The following MCM9 variants were observed in gnomAD, a reference collection of about 807,000 sequenced individuals.
MCM9 encodes the protein DNA helicase MCM9.
In MCM9, 55 loss-of-function variants were observed where a neutral mutation model predicts 72.8. The ratio of observed to expected loss-of-function variants is 0.76; its 90% CI spans 0.61 to 0.95. MCM9 has a LOEUF of 0.95. Among genes scored for constraint, MCM9 ranks in the 40% least tolerant of loss-of-function variants. MCM9 has a pLI of 0.00. For synonymous variants in MCM9, 480 were observed against 503.4 expected (o/e 0.95, Z 0.62); for missense variants, 1,279 against 1,377.0 (o/e 0.93, Z 1.13).
chr6:118,860,383 AG>A (rs757362853), intron 8 of MCM9, among the ~76,000 whole-genome samples: 4 of 152,218 alleles, frequency 2.6e-5, no homozygotes, highest in Admixed American at 6.5e-5. Context: ...ACACATCTGA[AG>A]AAAGAATCTC....
chr6:118,824,693 C>T (rs1193393038), intron 13 of MCM9, among the ~76,000 whole-genome samples: 1 of 152,174 alleles, frequency 6.6e-6, no homozygotes. Context: ...CATGATAAAA[C>T]TATAAATGGT....
chr6:118,885,253 G>A lies in MCM9; in HGVS notation c.1150+26397C>T, dbSNP rs138612797. On this transcript the variant is annotated intron_variant, in intron 8 of 13. Coordinates refer to ENST00000619706, the MANE Select transcript of MCM9 (RefSeq NM_017696.3). ...AAATAAATAAAAATAAAATAAAAAA[G>A]AAGATCTCAAATCAGTAATCTAAGC... 4.6e-3 allele frequency among the ~76,000 whole-genome samples: 692 copies of A among 151,930 alleles called. 4 individuals carry two copies. Among genetic ancestry groups the A allele is most frequent in the Non-Finnish European group, 5.4e-3 (369 of 67,946 alleles).
chr6:118,834,991 T>C (rs1346971528), intron 9 of MCM9, among the ~76,000 whole-genome samples: 1 of 152,206 alleles, frequency 6.6e-6, no homozygotes, highest in Non-Finnish European at 1.5e-5. Context: ...TTTTAGGTCT[T>C]ACGTTTAAGC....
intron 13 of MCM9, among the ~76,000 whole-genome samples, chr6:118,816,634 CTCA>C (rs1466721873): frequency 6.6e-6 from 1 of 152,184 alleles, no homozygotes; most frequent in Non-Finnish European, 1.5e-5. Context: ...AGCTTTATCT[CTCA>C]TGTTAAATGT....
At chr6:118,918,092 G>C (rs1022392178) in intron 5 of MCM9, 1 of 280,720 alleles carries the variant, frequency 3.6e-6, no homozygotes, top group African/African-American at 2.2e-5. Flanking sequence ...TGGATGAAAT[G>C]TTCATCCTCT....
rs1273237783 is a variant in MCM9, at chr6:118,815,063, G to A, written c.3193C>T (p.Pro1065Ser). ...GATTTTGATTTGGATTCCGATGGGG[G>A]AGTAAAGCAGAAGTTTGCCAATCTG... is the stretch of plus-strand genomic sequence containing the variant. ...LARLANFCFT[P>S]PSESKSKSPP... is the part of the protein sequence containing the mutation. The change falls in exon 14 of 14, where the codon CCC becomes TCC. Residue 1065 changes from proline to serine, a missense_variant. Pro to Ser is a moderately conservative substitution (Grantham distance 74). Coordinates refer to ENST00000619706, the MANE Select transcript of MCM9 (RefSeq NM_017696.3). 11 of 1,550,662 alleles carry A rather than the reference G, an allele frequency of 7.1e-6. No homozygotes were observed. The East Asian group carries it at 1.2e-4, about 17-fold the overall frequency.
At chr6:118,889,109 A>T (rs746626950) in intron 8 of MCM9, among the ~76,000 whole-genome samples, 5 of 152,212 alleles carry the variant, frequency 3.3e-5, no homozygotes, top group Non-Finnish European at 5.9e-5. Context: ...TTACCTGAAA[A>T]ATATTACTGT....
chr6:118,901,215 T>C (rs1779780312), intron 8 of MCM9, among the ~76,000 whole-genome samples: 1 of 152,240 alleles, frequency 6.6e-6, no homozygotes, highest in Admixed American at 6.5e-5. Flanking sequence ...CCAAGGTGGC[T>C]GTCTAGCAAC....
chr6:118,838,700 C>T (rs1308665421), intron 9 of MCM9, among the ~76,000 whole-genome samples: 5 of 152,344 alleles, frequency 3.3e-5, no homozygotes, highest in Non-Finnish European at 5.9e-5. Flanking sequence ...GGATTAGAGG[C>T]GTGAGCCACT....
At chr6:118,860,778 C>T (rs910375981) in intron 8 of MCM9, among the ~76,000 whole-genome samples, 3 of 152,144 alleles carry the variant, frequency 2.0e-5, no homozygotes, top group African/African-American at 4.8e-5. Flanking sequence ...AGGCTGGTTT[C>T]GTGGAGAAAA....
intron 9 of MCM9, among the ~76,000 whole-genome samples, chr6:118,829,885 A>C (rs1774419868): frequency 6.6e-6 from 1 of 152,172 alleles, no homozygotes; most frequent in African/African-American, 2.4e-5. Flanking sequence ...AAAAGAGAGA[A>C]AGAGGGAGGG....
Position 118,825,156 on chromosome 6 carries a change from G to A in MCM9, c.1961+991C>T, listed in dbSNP as rs78480663. ...CAAAAGCAAAGCCAAGCCCAGGAGC[G>A]GCTTGAAAAGAATCAGCTACATCAA... On this transcript the variant is annotated intron_variant, in intron 13 of 13. Transcript: ENST00000619706. Among the ~76,000 whole-genome samples the A allele has an allele frequency of 3.5e-3, 538 of 152,142 alleles. 1 individual carries two copies. The highest frequency in any genetic ancestry group is 0.013 in the African/African-American group (520 of 41,508).
intron 13 of MCM9, among the ~76,000 whole-genome samples, chr6:118,816,548 T>C (rs188095623): frequency 6.6e-6 from 1 of 152,328 alleles, no homozygotes; most frequent in East Asian, 1.9e-4. Context: ...AATCGGAGAT[T>C]TGTCTACATT....
Position 118,814,592 on chromosome 6 carries a change from C to G in MCM9, c.*232G>C. 5.4e-6 allele frequency: 2 copies of G among 372,834 alleles called. No individual in the cohort carries two copies. Among genetic ancestry groups the G allele is most frequent in the Non-Finnish European group, 9.5e-6 (2 of 210,304 alleles). 23.1% of individuals were successfully genotyped at this position (372,834 alleles called of 1,614,324 possible). ...AGTACTCCATTTGTAAAATTAAGCA[C>G]AACATAATTAATTCAGCTCAGCTGC... On this transcript the variant is annotated 3_prime_UTR_variant, in exon 14 of 14. Coordinates refer to ENST00000619706, the MANE Select transcript of MCM9 (RefSeq NM_017696.3).
intron 12 of MCM9, 97 bp downstream of exon 12, chr6:118,826,685 C>T: frequency 1.2e-6 from 1 of 839,020 alleles, no homozygotes. Flanking sequence ...AGAATATGAG[C>T]ATTTTAATAA....
chr6:118,881,618 C>G (rs900558719), intron 8 of MCM9, among the ~76,000 whole-genome samples: 2 of 152,156 alleles, frequency 1.3e-5, no homozygotes, highest in Non-Finnish European at 2.9e-5. Flanking sequence ...AAAAACTGAA[C>G]AGTGAAAACA....
intron 5 of MCM9, chr6:118,918,038 C>T (rs776533712): frequency 2.4e-4 from 105 of 437,866 alleles, no homozygotes; most frequent in Admixed American, 1.5e-3. Flanking sequence ...TTACTTTTCA[C>T]TGGGAAAATA....
chr6:118,874,330 A>T (rs573222669), intron 8 of MCM9, among the ~76,000 whole-genome samples: 1 of 152,310 alleles, frequency 6.6e-6, no homozygotes, highest in South Asian at 2.1e-4. Context: ...AAAAATCACA[A>T]TATCAATAGA....
intron 9 of MCM9, among the ~76,000 whole-genome samples, chr6:118,845,949 C>T (rs1186341346): frequency 6.6e-6 from 1 of 151,734 alleles, no homozygotes; most frequent in Non-Finnish European, 1.5e-5. Context: ...AGGATATGAA[C>T]AAATCTCATT....
Sources: gnomAD v4.1 joint callset for allele counts (sites outside exome capture counted in the v4.1 genomes callset) on GRCh38, gnomAD v4.1.1 for gene constraint, MANE v1.5 for transcripts, NCBI Gene and HGNC (gene_info 2026-07-23, HGNC 2026-07-21) for gene names.